DLGAP1: variants seen among roughly 807,000 people sequenced by gnomAD.
The protein encoded by DLGAP1 is DLG associated protein 1.
DLGAP1 carries 11 observed loss-of-function variants against 90.8 expected under a neutral mutation model. That is an observed-to-expected ratio of 0.12 (90% confidence interval 0.08 to 0.20). DLGAP1 has a LOEUF of 0.20. DLGAP1 is among the 10% of genes least tolerant of loss of function. The pLI, the probability that DLGAP1 is intolerant of heterozygous loss-of-function variation, is 1.00. For synonymous variants in DLGAP1, 558 were observed against 540.7 expected, an observed-to-expected ratio of 1.03 and a Z score of -0.44; for missense variants, 1,050 against 1,333.8, an observed-to-expected ratio of 0.79 and a Z score of 3.31.
chr18:4,204,663 T>C (rs1269182307), intron 1 of DLGAP1, among the ~76,000 whole-genome samples: 1 of 152,200 alleles, frequency 6.6e-6, no homozygotes, highest in South Asian at 2.1e-4. Flanking sequence ...TTGAAAAATC[T>C]ATTACTTAAT....
intron 3 of DLGAP1, among the ~76,000 whole-genome samples, chr18:3,939,940 A>G (rs1041820912): frequency 2.6e-5 from 4 of 152,232 alleles, no homozygotes; most frequent in Non-Finnish European, 5.9e-5. Flanking sequence ...ATTGTCCTCA[A>G]CAATCACTGC....
chr18:4,216,033 C>T (rs2077947088), intron 1 of DLGAP1, among the ~76,000 whole-genome samples: 1 of 152,094 alleles, frequency 6.6e-6, no homozygotes, highest in Non-Finnish European at 1.5e-5. Flanking sequence ...TCTCACGCTG[C>T]TAATAAAGAC....
chr18:4,227,560 C>G (rs533436230), intron 1 of DLGAP1, among the ~76,000 whole-genome samples: 3 of 151,804 alleles, frequency 2.0e-5, no homozygotes, highest in African/African-American at 7.2e-5. Flanking sequence ...TAAAACTATG[C>G]AAACACATGG....
At chr18:3,583,178 C>T (rs1328914895) in intron 7 of DLGAP1, among the ~76,000 whole-genome samples, 30 of 117,524 alleles carry the variant, frequency 2.6e-4, no homozygotes, top group East Asian at 1.7e-3. Context: ...ACCTACCTAC[C>T]TACCTACCTT....
intron 5 of DLGAP1, among the ~76,000 whole-genome samples, chr18:3,785,795 C>T (rs1014352850): frequency 2.6e-5 from 4 of 152,000 alleles, no homozygotes; most frequent in Admixed American, 6.6e-5. Flanking sequence ...AAGAGAATAC[C>T]GAAGAAAAGC....
intron 3 of DLGAP1, among the ~76,000 whole-genome samples, chr18:3,969,494 C>T (rs1039108402): frequency 2.0e-5 from 3 of 152,088 alleles, no homozygotes; most frequent in African/African-American, 4.8e-5. Flanking sequence ...GGTGCTTGTT[C>T]TCGAAACAAA....
intron 5 of DLGAP1, among the ~76,000 whole-genome samples, chr18:3,789,541 G>A (rs1043790708): frequency 2.6e-5 from 4 of 152,146 alleles, no homozygotes; most frequent in Non-Finnish European, 5.9e-5. Context: ...GATCAAGGCA[G>A]GACCATAGGG....
intron 1 of DLGAP1, among the ~76,000 whole-genome samples, chr18:4,445,048 A>G (rs578258758): frequency 6.6e-6 from 1 of 152,332 alleles, no homozygotes; most frequent in African/African-American, 2.4e-5. Flanking sequence ...ATCTTCCAAC[A>G]GGTAACTCCT....
intron 5 of DLGAP1, among the ~76,000 whole-genome samples, chr18:3,765,349 C>T (rs1005017069): frequency 6.6e-6 from 1 of 150,674 alleles, no homozygotes; most frequent in African/African-American, 2.4e-5. Context: ...CCAGGATGGT[C>T]TCGATCTCCT....
chr18:3,919,413 A>G (rs1416806370), intron 3 of DLGAP1, among the ~76,000 whole-genome samples: 1 of 152,222 alleles, frequency 6.6e-6, no homozygotes, highest in Non-Finnish European at 1.5e-5. Flanking sequence ...GGGAGATAAA[A>G]CTGAAAGTTA....
chr18:4,446,794 C>A (rs941422393), intron 1 of DLGAP1, among the ~76,000 whole-genome samples: 5 of 152,032 alleles, frequency 3.3e-5, no homozygotes, highest in Admixed American at 6.6e-5. Flanking sequence ...TATTACAGAA[C>A]AAAACTCTGG....
chr18:4,425,047 C>T (rs568069823), intron 1 of DLGAP1, among the ~76,000 whole-genome samples: 240 of 122,608 alleles, frequency 2.0e-3, no homozygotes, highest in African/African-American at 7.6e-3. Context: ...AACATAACCA[C>T]GCATTCCTTG....
chr18:3,967,064 T>C (rs1035621049), intron 3 of DLGAP1, among the ~76,000 whole-genome samples: 6 of 151,720 alleles, frequency 4.0e-5, no homozygotes, highest in Non-Finnish European at 8.8e-5. Flanking sequence ...GAGAAGAGAG[T>C]AGTTTAAAAA....
intron 6 of DLGAP1, among the ~76,000 whole-genome samples, chr18:3,738,623 T>A (rs936938770): frequency 1.3e-5 from 2 of 152,122 alleles, no homozygotes; most frequent in African/African-American, 4.8e-5. Context: ...CAAAAATTAA[T>A]TCAAGATGAA....
intron 7 of DLGAP1, among the ~76,000 whole-genome samples, chr18:3,659,394 T>TAC (rs71366699): frequency 0.18 from 18,802 of 101,802 alleles, 1,794 homozygotes; most frequent in East Asian, 0.25. Flanking sequence ...CATACATTTA[T>TAC]ACACACACAC....
intron 1 of DLGAP1, among the ~76,000 whole-genome samples, chr18:4,296,541 C>A (rs2079986503): frequency 6.6e-6 from 1 of 152,232 alleles, no homozygotes; most frequent in Non-Finnish European, 1.5e-5. Flanking sequence ...CATCCTCCTT[C>A]AACCTTGAGT....
chr18:4,141,007 G>A (rs1470105048), intron 2 of DLGAP1, among the ~76,000 whole-genome samples: 2 of 151,816 alleles, frequency 1.3e-5, no homozygotes, highest in East Asian at 3.9e-4. Flanking sequence ...AAGGTCTTGA[G>A]GTAGTCTTCT....
intron 8 of DLGAP1, chr18:3,571,070 C>A (rs768472808): frequency 6.6e-6 from 1 of 151,906 alleles, no homozygotes; most frequent in Non-Finnish European, 1.5e-5. Flanking sequence ...TGATAAAAAT[C>A]ATATTGGAAT....
chr18:3,582,314 TGACA>T, intron 7 of DLGAP1, 66 bp from the exon 8 acceptor site: 1 of 1,548,970 alleles, frequency 6.5e-7, no homozygotes, highest in African/African-American at 1.4e-5. Flanking sequence ...ATATTGTAAC[TGACA>T]GCCATTGGGA....
Sources: allele counts gnomAD v4.1 joint callset (sites outside exome capture counted in the v4.1 genomes callset), GRCh38; gene constraint gnomAD v4.1.1; transcripts MANE v1.5; gene names NCBI Gene and HGNC (gene_info 2026-07-23, HGNC 2026-07-21).